The following PARP14 variants were observed in gnomAD, a reference collection of about 807,000 sequenced individuals.
PARP14 encodes the protein protein mono-ADP-ribosyltransferase PARP14.
In PARP14, 59 loss-of-function variants were observed where a neutral mutation model predicts 154.2. That is an observed-to-expected ratio of 0.38 (90% CI 0.31 to 0.48). The LOEUF is 0.48. Ranked by LOEUF, PARP14 falls within the 20% of genes least tolerant of loss-of-function variation. The pLI is 0.98. For synonymous variants in PARP14, 720 were observed against 780.5 expected (o/e 0.92, Z 1.29); for missense variants, 1,734 against 2,131.6 (o/e 0.81, Z 3.67).
At position 122,728,382 on chromosome 3, in the gene PARP14, G is replaced by A; in HGVS notation, c.5191G>A (p.Asp1731Asn). ...TGCCAATGATACGTACTCCAGACCA[G>A]ATGCAAATGGGAGAAAGCATGTGTA... The part of the protein sequence containing the change: ...YSANDTYSRP[D>N]ANGRKHVYYV... Residue 1731 changes from aspartate (D) to asparagine (N), a missense_variant, in exon 17 of 17, where the codon GAT becomes AAT. Around this residue, in one of 2 missense-constraint regions of PARP14, gnomAD observed 88 missense variants for 155.6 expected, o/e 0.57. Transcript: ENST00000474629. 1 of 1,613,516 alleles carries A rather than the reference G, an allele frequency of 6.2e-7. No individual in the cohort carries two copies. The highest frequency in any genetic ancestry group is 8.5e-7 in the Non-Finnish European group (1 of 1,179,430).
Position 122,700,621 on chromosome 3 carries a change from AAAG to A in PARP14, c.2071_2073del (p.Lys691del). On this transcript the variant is annotated inframe_deletion, in exon 6 of 17. Transcript: ENST00000474629. The stretch of plus-strand genomic sequence containing the variant: ...TAGTTATTGACTATTTAAAGACAGA[AAAG>A]AAGCTATTCTGGCCAAAGATAAAGA... The A allele has an allele frequency of 6.2e-7, 1 of 1,603,032 alleles. No homozygotes were observed. Among genetic ancestry groups the A allele is most frequent in the Non-Finnish European group, 8.5e-7 (1 of 1,174,210 alleles).
chr3:122,728,037 G>A (rs1304073423), intron 16 of PARP14, 51 bp downstream of exon 16: 9 of 1,521,582 alleles, frequency 5.9e-6, no homozygotes, highest in Admixed American at 1.9e-5. Flanking sequence ...AGCCATGAGA[G>A]CCCGAGTTGG....
At chr3:122,728,157 T>G (rs1933337143) in intron 16 of PARP14, 151 bp from the exon 17 acceptor site, 5 of 920,340 alleles carry the variant, frequency 5.4e-6, no homozygotes, top group African/African-American at 1.7e-5. Flanking sequence ...TGACTGGCCC[T>G]TCTAGGTAGA....
At chr3:122,683,396 T>G (rs1251241722) in intron 1 of PARP14, 17 of 403,206 alleles carry the variant, frequency 4.2e-5, no homozygotes, top group Non-Finnish European at 5.7e-5. Flanking sequence ...CCGTATTTAT[T>G]CATGTATAGC....
chr3:122,708,760 T>A (rs542157358), intron 9 of PARP14, among the ~76,000 whole-genome samples: 2 of 152,322 alleles, frequency 1.3e-5, no homozygotes, highest in East Asian at 3.9e-4. Context: ...TTTCCAATAC[T>A]GTGGTGCTAA....
In PARP14 at chr3:122,720,100, G is replaced by A. The variant is rs192293526; in HGVS notation, c.4808-155G>A. ...ATTCCAGTTGGTTCTGATGTAGGTTGTCTGTTGTTCATGCTTTGAAAAGCG... is the reference window on the plus strand; with the variant it reads ...ATTCCAGTTGGTTCTGATGTAGGTTATCTGTTGTTCATGCTTTGAAAAGCG... On this transcript the variant is annotated intron_variant, in intron 14 of 16. Coordinates refer to ENST00000474629, the MANE Select transcript of PARP14 (RefSeq NM_017554.3). Among the ~76,000 whole-genome samples the A allele has an allele frequency of 6.8e-4, 104 of 152,284 alleles. 1 individual carries two copies. Among genetic ancestry groups the A allele is most frequent in the African/African-American group, 2.5e-3 (103 of 41,558 alleles).
rs370752068 is a variant in PARP14 at position 122,724,497 on chromosome 3, C to T, written c.4942-3315C>T. Among the ~76,000 whole-genome samples the T allele has an allele frequency of 1.7e-4, 24 of 143,694 alleles. No individual in the cohort carries two copies. The South Asian group carries it at 4.0e-3, about 24-fold the overall frequency. The allele number at this position is 143,694 out of a possible 152,430, so 94.3% of individuals were successfully genotyped here. On this transcript the variant is annotated intron_variant, in intron 15 of 16. Transcript: ENST00000474629. The stretch of plus-strand genomic sequence containing the variant: ...TTTTTTTTTTTGTAGAGATGGAGTC[C>T]GTGTTATCCAGGCTGGTTTCAAACT...
rs1407367783 is a variant in PARP14, at chr3:122,701,780, A to G, written c.3081+145A>G. On this transcript the variant is annotated intron_variant, in intron 6 of 16. Transcript: ENST00000474629. This position sits in a 1 kb window ranked among gnomAD's most constrained non-coding sequence, Gnocchi z 4.0. ...TGCCTTCCACCCCTGCCTTGAAACA[A>G]TTTTCCTTAGATAATTGGGCTTCTT... 7.7e-6 allele frequency: 5 copies of G among 649,438 alleles called. No homozygotes were observed. The East Asian group carries it at 1.4e-4, about 18-fold the overall frequency. 40.2% of individuals were successfully genotyped at this position (649,438 alleles called of 1,614,324 possible). A position where few individuals can be genotyped will look rare whatever the true frequency, so the allele number is the denominator to read the frequency against.
In PARP14 at chr3:122,704,641, G is replaced by T; in HGVS notation, c.3433G>T (p.Ala1145Ser). The T allele has an allele frequency of 6.2e-7, 1 of 1,604,166 alleles. No individual in the cohort carries two copies. Among genetic ancestry groups the T allele is most frequent in the Non-Finnish European group, 8.5e-7 (1 of 1,173,816 alleles). ...GNLGFPKNIF[A>S]ELIISEVFKF... is the part of the protein sequence containing the mutation. ...CTTGGGATTTCCTAAAAACATATTC[G>T]CTGAATTAATCATTTCAGAGGTGTT... The change falls in exon 8 of 17, where the codon GCT becomes TCT. Residue 1145 changes from alanine (A) to serine (S), a missense_variant. Physicochemically the swap from Ala to Ser is moderately conservative, Grantham distance 99. Coordinates refer to ENST00000474629, the MANE Select transcript of PARP14 (RefSeq NM_017554.3).
intron 6 of PARP14, among the ~76,000 whole-genome samples, chr3:122,702,678 G>A (rs1221984025): frequency 6.6e-6 from 1 of 152,126 alleles, no homozygotes; most frequent in Non-Finnish European, 1.5e-5. Flanking sequence ...GCCAGGATTG[G>A]AATTTGTTCA....
chr3:122,689,251 T>C (rs17210935), intron 3 of PARP14, among the ~76,000 whole-genome samples: 9,113 of 152,252 alleles, frequency 0.06, 318 homozygotes, highest in Middle Eastern at 0.088. Context: ...ACACAATCAG[T>C]CTGCTCGTCA....
At chr3:122,692,278 C>T (rs753801396) in intron 3 of PARP14, 23 bp from the exon 4 acceptor site, 1 of 1,598,944 alleles carries the variant, frequency 6.3e-7, no homozygotes, top group African/African-American at 1.3e-5. Flanking sequence ...CATCTTGTAC[C>T]TCTTTTGTCT....
intron 3 of PARP14, among the ~76,000 whole-genome samples, chr3:122,691,900 G>T (rs1938552183): frequency 6.6e-6 from 1 of 151,994 alleles, no homozygotes; most frequent in Non-Finnish European, 1.5e-5. Flanking sequence ...AATGTAAATT[G>T]TTCTATAAAT....
intron 11 of PARP14, 44 bp downstream of exon 11, chr3:122,713,978 G>A: frequency 7.3e-7 from 1 of 1,370,134 alleles, no homozygotes; most frequent in Non-Finnish European, 1.0e-6. Context: ...TAATTGTATG[G>A]GAGGCTGTGG....
intron 12 of PARP14, among the ~76,000 whole-genome samples, chr3:122,716,574 C>CAG (rs1300762088): frequency 6.6e-6 from 1 of 152,188 alleles, no homozygotes; most frequent in Non-Finnish European, 1.5e-5. Flanking sequence ...TGGCAAAAGA[C>CAG]AGAGAGGGAA....
At chr3:122,699,345 A>G (rs1576587320) in intron 5 of PARP14, 45 bp from the exon 6 acceptor site, 1 of 1,205,166 alleles carries the variant, frequency 8.3e-7, no homozygotes, top group Admixed American at 2.4e-5. Context: ...TTTATTTGCC[A>G]TATATCATCC....
intron 15 of PARP14, among the ~76,000 whole-genome samples, chr3:122,726,148 A>G (rs190255161): frequency 2.6e-5 from 4 of 152,272 alleles, no homozygotes; most frequent in Admixed American, 6.5e-5. Flanking sequence ...TAATTTGTTT[A>G]TATTTATTTA....
chr3:122,707,687 A>C (rs370339451), intron 8 of PARP14, among the ~76,000 whole-genome samples: 1 of 152,130 alleles, frequency 6.6e-6, no homozygotes, highest in East Asian at 1.9e-4. Flanking sequence ...AGTCCCAGCT[A>C]CTTGGGAGGC....
At chr3:122,693,842 GAA>G (rs5852310) in intron 4 of PARP14, among the ~76,000 whole-genome samples, 6 of 135,670 alleles carry the variant, frequency 4.4e-5, no homozygotes, top group East Asian at 2.1e-4. Flanking sequence ...CCCCGTGTCT[GAA>G]AAAAAAAAAA....
Sources: allele counts gnomAD v4.1 joint callset (sites outside exome capture counted in the v4.1 genomes callset), GRCh38; gene constraint gnomAD v4.1.1; regional missense constraint gnomAD v4.1.1; non-coding constraint Gnocchi (gnomAD v3.1); transcripts MANE v1.5; gene names NCBI Gene and HGNC (gene_info 2026-07-23, HGNC 2026-07-21).